KCNIP1: variants seen among roughly 807,000 people sequenced by gnomAD.
The protein encoded by KCNIP1 is potassium voltage-gated channel interacting protein 1.
In KCNIP1, 18 loss-of-function variants were observed where a neutral mutation model predicts 33.0. The observed-to-expected ratio is 0.55, with a 90% CI of 0.38 to 0.81. The LOEUF is 0.81. Among genes scored for constraint, KCNIP1 ranks in the 30% least tolerant of loss-of-function variants. KCNIP1 has a pLI of 0.00. For missense variants in KCNIP1, 238 were observed against 271.6 expected (o/e 0.88, Z 0.87); for synonymous variants, 93 against 98.3 (o/e 0.95, Z 0.32).
chr5:170,505,325 C>T (rs531248976), intron 1 of KCNIP1, among the ~76,000 whole-genome samples: 7 of 152,252 alleles, frequency 4.6e-5, no homozygotes, highest in African/African-American at 1.7e-4. Flanking sequence ...TCTCACCATC[C>T]GTGGGAGAGT....
intron 1 of KCNIP1, among the ~76,000 whole-genome samples, chr5:170,654,776 A>C (rs1761195011): frequency 6.6e-6 from 1 of 152,222 alleles, no homozygotes; most frequent in African/African-American, 2.4e-5. Flanking sequence ...TTTCATACTT[A>C]GGTACATGAC....
At chr5:170,653,530 C>G (rs981548656) in intron 1 of KCNIP1, among the ~76,000 whole-genome samples, 5 of 152,068 alleles carry the variant, frequency 3.3e-5, no homozygotes, top group African/African-American at 4.8e-5. Flanking sequence ...ATGTAAAAAT[C>G]TCTAATTTAG....
At chr5:170,726,662 G>A (rs745710494) in intron 5 of KCNIP1, among the ~76,000 whole-genome samples, 56 of 151,628 alleles carry the variant, frequency 3.7e-4, no homozygotes, top group Non-Finnish European at 7.4e-4. Flanking sequence ...TACTTTGGGA[G>A]GCTGAGGCAG....
intron 1 of KCNIP1, among the ~76,000 whole-genome samples, chr5:170,371,264 G>A (rs1763835546): frequency 6.6e-6 from 1 of 152,180 alleles, no homozygotes; most frequent in Non-Finnish European, 1.5e-5. Context: ...TGTCTTGGCA[G>A]TGCCCACAGC....
chr5:170,431,289 C>T (rs369612158), intron 1 of KCNIP1, among the ~76,000 whole-genome samples: 1 of 152,162 alleles, frequency 6.6e-6, no homozygotes, highest in Non-Finnish European at 1.5e-5. Flanking sequence ...AGTGAGGAGT[C>T]GGCACGAATC....
At chr5:170,585,334 C>A (rs1455500825) in intron 1 of KCNIP1, among the ~76,000 whole-genome samples, 1 of 152,112 alleles carries the variant, frequency 6.6e-6, no homozygotes, top group African/African-American at 2.4e-5. Flanking sequence ...CCAGGGTCAT[C>A]AGTGAGTTAG....
chr5:170,378,645 C>T (rs1371437560), intron 1 of KCNIP1: 2 of 1,529,828 alleles, frequency 1.3e-6, no homozygotes, highest in Non-Finnish European at 1.8e-6. Flanking sequence ...GGGGAGCAGC[C>T]CTGGGGGCCC....
At chr5:170,611,346 G>T (rs1458549684) in intron 1 of KCNIP1, among the ~76,000 whole-genome samples, 3 of 152,164 alleles carry the variant, frequency 2.0e-5, no homozygotes, top group African/African-American at 7.2e-5. Context: ...CTCACATTTG[G>T]TGCTGCTCAT....
At chr5:170,485,210 G>T (rs1047978758) in intron 1 of KCNIP1, among the ~76,000 whole-genome samples, 1 of 152,122 alleles carries the variant, frequency 6.6e-6, no homozygotes, top group Non-Finnish European at 1.5e-5. Flanking sequence ...AAAGTGCCAG[G>T]ATTATAGGTG....
At chr5:170,436,719 C>T (rs1374436206) in intron 1 of KCNIP1, among the ~76,000 whole-genome samples, 1 of 152,186 alleles carries the variant, frequency 6.6e-6, no homozygotes, top group African/African-American at 2.4e-5. Flanking sequence ...TTAGCTCAGA[C>T]TTCCTGATTG....
At chr5:170,390,517 A>AAAAAAAAAAAAAAAAAATAT in intron 1 of KCNIP1, among the ~76,000 whole-genome samples, 2 of 74,546 alleles carry the variant, frequency 2.7e-5, no homozygotes, top group Non-Finnish European at 2.5e-5. Flanking sequence ...AAAAAAAACA[A>AAAAAAAAAAAAAAAAAATAT]ATATATATAT....
At chr5:170,510,621 AT>A (rs1413610186) in intron 1 of KCNIP1, among the ~76,000 whole-genome samples, 1 of 152,184 alleles carries the variant, frequency 6.6e-6, no homozygotes, top group African/African-American at 2.4e-5. Context: ...TCCGGGTAGT[AT>A]TTTAAATAGG....
intron 1 of KCNIP1, among the ~76,000 whole-genome samples, chr5:170,624,229 T>G (rs1759724660): frequency 6.6e-6 from 1 of 152,194 alleles, no homozygotes; most frequent in Non-Finnish European, 1.5e-5. Context: ...CAAACCATAT[T>G]TATTGAGCAT....
chr5:170,562,227 G>T (rs1396828163), intron 1 of KCNIP1, among the ~76,000 whole-genome samples: 2 of 152,236 alleles, frequency 1.3e-5, no homozygotes, highest in African/African-American at 4.8e-5. Flanking sequence ...ATGTGCATTT[G>T]CAAGACAGAG....
intron 1 of KCNIP1, among the ~76,000 whole-genome samples, chr5:170,439,722 G>A (rs1373278158): frequency 6.6e-6 from 1 of 152,264 alleles, no homozygotes. Flanking sequence ...AAGTCCCTAA[G>A]GCTTCCAGCA....
intron 1 of KCNIP1, among the ~76,000 whole-genome samples, chr5:170,634,021 A>G (rs1581424965): frequency 6.6e-6 from 1 of 152,016 alleles, no homozygotes; most frequent in Non-Finnish European, 1.5e-5. Flanking sequence ...GGTGAGAGGG[A>G]TGTGGTTCTG....
At chr5:170,434,683 G>A (rs565644934) in intron 1 of KCNIP1, among the ~76,000 whole-genome samples, 12 of 152,140 alleles carry the variant, frequency 7.9e-5, no homozygotes, top group Non-Finnish European at 1.6e-4. Flanking sequence ...GGCCTGGTGC[G>A]CTGGCTCATG....
chr5:170,610,327 C>T (rs1759095618), intron 1 of KCNIP1, among the ~76,000 whole-genome samples: 3 of 152,210 alleles, frequency 2.0e-5, no homozygotes, highest in African/African-American at 7.2e-5. Context: ...GACCAAATCC[C>T]CATTATAAAC....
At chr5:170,358,756 G>A (rs1212656297) in intron 1 of KCNIP1, among the ~76,000 whole-genome samples, 2 of 152,192 alleles carry the variant, frequency 1.3e-5, no homozygotes, top group Admixed American at 6.5e-5. Flanking sequence ...TGATCCTGGA[G>A]GTAGGGATTG....
Sources: gnomAD v4.1 joint callset for allele counts (sites outside exome capture counted in the v4.1 genomes callset) on GRCh38, gnomAD v4.1.1 for gene constraint, MANE v1.5 for transcripts, NCBI Gene and HGNC (gene_info 2026-07-23, HGNC 2026-07-21) for gene names.